The following CYP4V2 variants were observed in gnomAD, a reference collection of about 807,000 sequenced individuals.
CYP4V2 encodes cytochrome P450 family 4 subfamily V member 2.
In CYP4V2, 55 loss-of-function variants were observed where a neutral mutation model predicts 60.8. The ratio of observed to expected loss-of-function variants is 0.90; its 90% CI spans 0.73 to 1.13. The LOEUF (loss-of-function observed/expected upper bound fraction) is 1.13. Among genes scored for constraint, CYP4V2 ranks in the 50% most tolerant of loss-of-function variants. The pLI, the probability that CYP4V2 is intolerant of heterozygous loss-of-function variation, is 0.00. For synonymous variants in CYP4V2, 239 were observed against 236.8 expected (o/e 1.01, Z -0.08); for missense variants, 675 against 662.9 (o/e 1.02, Z -0.20).
In CYP4V2 at chr4:186,198,958, A is replaced by G; in HGVS notation, c.676A>G (p.Met226Val). ...DSEYVRAVYR[M>V]SEMIFRRIKM... ...GATGTATTTTTATCCCATTTATAGA[A>G]TGAGTGAGATGATATTTCGAAGAAT... The change falls in exon 6 of 11, where the codon ATG (methionine) becomes GTG (valine). Residue 226 changes from methionine to valine, a missense_variant and splice_region_variant. Coordinates refer to ENST00000378802, the MANE Select transcript of CYP4V2 (RefSeq NM_207352.4). 3 of 1,614,042 alleles carry G rather than the reference A, an allele frequency of 1.9e-6. No homozygotes were observed. The South Asian group carries it at 3.3e-5, about 18-fold the overall frequency.
chr4:186,196,745 T>C (rs1373155200), intron 3 of CYP4V2, 195 bp from the exon 4 acceptor site: 3 of 576,374 alleles, frequency 5.2e-6, no homozygotes, highest in Admixed American at 6.5e-5. Flanking sequence ...TTTGTAACTA[T>C]AGATGAATAT....
chr4:186,192,239 T>C (rs1171897561), intron 1 of CYP4V2: 1 of 734,558 alleles, frequency 1.4e-6, no homozygotes, highest in African/African-American at 1.7e-5. Context: ...GTGAGCATTT[T>C]CTTTGTGTGT....
chr4:186,208,208 C>T (rs1736588144), intron 8 of CYP4V2, among the ~76,000 whole-genome samples: 1 of 141,084 alleles, frequency 7.1e-6, no homozygotes, highest in African/African-American at 2.7e-5. Context: ...TTTAGCATCC[C>T]CTGCCTTGAT....
intron 1 of CYP4V2, 81 bp downstream of exon 1, chr4:186,192,118 T>A (rs562098490): frequency 5.8e-5 from 87 of 1,498,888 alleles, no homozygotes; most frequent in Non-Finnish European, 7.6e-5. Context: ...AACCCGCTGC[T>A]TGTGGCGCTG....
At chr4:186,199,216 T>G in intron 6 of CYP4V2, 133 bp downstream of exon 6, 1 of 982,398 alleles carries the variant, frequency 1.0e-6, no homozygotes, top group South Asian at 1.5e-5. Flanking sequence ...ACCGTTCATT[T>G]CCAGAACTTT....
In CYP4V2 at chr4:186,212,972, C is replaced by G. The variant is rs559282651; in HGVS notation, c.*2331C>G. The G allele has an allele frequency of 6.6e-6, 1 of 152,268 alleles. No homozygotes were observed. The highest frequency in any genetic ancestry group is 6.5e-5 in the Admixed American group (1 of 15,296). The allele number at this position is 152,268 out of a possible 1,614,324, so 9.4% of individuals were successfully genotyped here. A position where few individuals can be genotyped will look rare whatever the true frequency, so the allele number is the denominator to read the frequency against. ...AATGGGCATATTAGAAAAAGTCCTT[C>G]CAAGATGATTTTGGATAATAAAAGT... is the stretch of plus-strand genomic sequence containing the variant. On this transcript the variant is annotated 3_prime_UTR_variant, in exon 11 of 11. Transcript: ENST00000378802.
chr4:186,196,738 G>A (rs1047827192), intron 3 of CYP4V2: 4 of 560,300 alleles, frequency 7.1e-6, no homozygotes, highest in African/African-American at 5.6e-5. Flanking sequence ...CTCATATTTT[G>A]TAACTATAGA....
intron 7 of CYP4V2, chr4:186,202,491 T>C (rs983979993): frequency 6.6e-6 from 1 of 152,138 alleles, no homozygotes; most frequent in Non-Finnish European, 1.5e-5. Context: ...AGAATCGTGA[T>C]TGGCCCATAA....
chr4:186,204,301 A>C, intron 7 of CYP4V2: 1 of 152,236 alleles, frequency 6.6e-6, no homozygotes, highest in South Asian at 1.4e-4. Flanking sequence ...CGCTGGCGTA[A>C]GAGGCGGCGG....
At chr4:186,192,881 ATTAT>A (rs1736030958) in intron 1 of CYP4V2, among the ~76,000 whole-genome samples, 2 of 150,800 alleles carry the variant, frequency 1.3e-5, no homozygotes, top group African/African-American at 2.4e-5. Flanking sequence ...TTCCTCTGGG[ATTAT>A]TTGTTAGTAA....
At chr4:186,208,834 T>C (rs1399399998) in intron 8 of CYP4V2, 31 bp from the exon 9 acceptor site, 1 of 1,614,214 alleles carries the variant, frequency 6.2e-7, no homozygotes, top group African/African-American at 1.3e-5. Flanking sequence ...CACTGCTCTT[T>C]CAGGTCATCT....
At position 186,199,054 on chromosome 4, in the gene CYP4V2, C is replaced by A. The variant is rs761190623; in HGVS notation, c.772C>A (p.Leu258Ile). 40 of 1,613,898 alleles carry A rather than the reference C, an allele frequency of 2.5e-5. No homozygotes were observed. Among genetic ancestry groups the A allele is most frequent in the Admixed American group, 6.7e-5 (4 of 60,002 alleles). Residue 258 changes from leucine to isoleucine, a missense_variant, in exon 6 of 11, where the codon CTT becomes ATT. Physicochemically the swap from Leu to Ile is conservative, Grantham distance 5. Coordinates refer to ENST00000378802, the MANE Select transcript of CYP4V2 (RefSeq NM_207352.4). ...AGAAGGATGGGAACACAAAAAGAGC[C>A]TTCAGATCCTACATACTTTTACCAA... ...FKEGWEHKKSLQILHTFTNSV... is the reference protein window; with the variant it reads ...FKEGWEHKKSIQILHTFTNSV...
chr4:186,208,386 C>G (rs1736594122), intron 8 of CYP4V2, among the ~76,000 whole-genome samples: 1 of 149,814 alleles, frequency 6.7e-6, no homozygotes, highest in African/African-American at 2.5e-5. Context: ...ATTTAGCATC[C>G]AGTACCTTGA....
At chr4:186,204,976 A>C (rs1736453313) in intron 7 of CYP4V2, 9 of 597,422 alleles carry the variant, frequency 1.5e-5, no homozygotes, top group Non-Finnish European at 2.4e-5. Flanking sequence ...ACCAGCGTGC[A>C]ACACCGTGCG....
chr4:186,210,509 G>T lies in CYP4V2; in HGVS notation c.1446G>T (p.Ser482=), dbSNP rs141950964. The T allele has an allele frequency of 1.9e-6, 3 of 1,614,154 alleles. No individual in the cohort carries two copies. Among genetic ancestry groups the T allele is most frequent in the Admixed American group, 1.7e-5 (1 of 60,026 alleles). The part of the protein sequence containing the change: ...FAVMEEKTIL[S]CILRHFWIES... ...TGATGGAAGAAAAGACCATTCTTTC[G>T]TGCATCCTGAGGCACTTTTGGATAG... Residue 482 remains serine (S), a synonymous_variant, in exon 11 of 11, where the codon TCG becomes TCT. Transcript: ENST00000378802.
chr4:186,194,672 C>A, intron 2 of CYP4V2, 60 bp downstream of exon 2: 1 of 1,449,002 alleles, frequency 6.9e-7, no homozygotes, highest in Non-Finnish European at 9.7e-7. Context: ...GAGAATCTCA[C>A]CAGAATCAAT....
Position 186,192,046 on chromosome 4 carries a change from C to A in CYP4V2, c.214+9C>A, listed in dbSNP as rs768506789. 14 of 1,563,948 alleles carry A rather than the reference C, an allele frequency of 9.0e-6. No individual in the cohort carries two copies. In the African/African-American group the frequency reaches 1.6e-4, roughly 18 times the overall value. On this transcript the variant is annotated intron_variant, in intron 1 of 10. Transcript: ENST00000378802. ...GAAGCCGGACGGGCGAGGTAAGGGCCGGCGCTCCTCCTGGAGCGCAACGGG... is the reference window on the plus strand; with the variant it reads ...GAAGCCGGACGGGCGAGGTAAGGGCAGGCGCTCCTCCTGGAGCGCAACGGG...
Position 186,191,853 on chromosome 4 carries a change from G to A in CYP4V2, c.30G>A (p.Trp10Ter), listed in dbSNP as rs1735992338. MAGLWLGLV[W>*]QKLLLWGAAS... ...CGGGGCTCTGGCTGGGGCTCGTGTG[G>A]CAGAAGCTGCTGCTGTGGGGCGCGG... Residue 10 changes from tryptophan to a stop codon, truncating the protein, a stop_gained, in exon 1 of 11, where the codon TGG becomes TGA. Transcript: ENST00000378802. LOFTEE classifies it high-confidence loss of function. 8.2e-6 allele frequency: 13 copies of A among 1,579,806 alleles called. No homozygotes were observed. The highest frequency in any genetic ancestry group is 1.1e-5 in the Non-Finnish European group (13 of 1,168,772).
chr4:186,209,782 G>A lies in CYP4V2; in HGVS notation c.1405+510G>A, dbSNP rs562005971. Reference sequence around the variant, plus strand: ...ATACAGTCATATTCTAAGGTATGGGGGGGGCTTAGAATTTGGAGAGAGACA... The same window carrying A: ...ATACAGTCATATTCTAAGGTATGGGAGGGGCTTAGAATTTGGAGAGAGACA... On this transcript the variant is annotated intron_variant, in intron 10 of 10. Coordinates refer to ENST00000378802, the MANE Select transcript of CYP4V2 (RefSeq NM_207352.4). Among the ~76,000 whole-genome samples the A allele has an allele frequency of 5.3e-5, 8 of 152,250 alleles. No homozygotes were observed. The South Asian group carries it at 1.7e-3, about 32-fold the overall frequency.
Sources: allele counts gnomAD v4.1 joint callset (sites outside exome capture counted in the v4.1 genomes callset), GRCh38; gene constraint gnomAD v4.1.1; transcripts MANE v1.5; gene names NCBI Gene and HGNC (gene_info 2026-07-23, HGNC 2026-07-21).